Variants in PSMD13 observed in about 807,000 individuals in gnomAD.
PSMD13 encodes proteasome 26S subunit, non-ATPase 13.
Under a neutral mutation model 57.4 loss-of-function variants are expected in PSMD13, and 8 were observed. The observed-to-expected ratio is 0.14, with a 90% CI of 0.08 to 0.25. PSMD13 has a LOEUF of 0.25. Ranked by LOEUF, PSMD13 falls within the 10% of genes least tolerant of loss-of-function variation. The pLI is 1.00. For missense variants in PSMD13, 400 were observed against 461.5 expected (o/e 0.87, Z 1.22); for synonymous variants, 193 against 168.2 (o/e 1.15, Z -1.14).
chr11:246,961 T>C (rs1414210555), intron 6 of PSMD13, among the ~76,000 whole-genome samples: 2 of 152,248 alleles, frequency 1.3e-5, no homozygotes, highest in African/African-American at 4.8e-5. Flanking sequence ...TTGTAAATAT[T>C]GTTTCCCAGT....
Position 236,992 on chromosome 11 carries a change from C to A in PSMD13, c.-58C>A. 7.0e-7 allele frequency: 1 copy of A among 1,433,342 alleles called. No individual in the cohort carries two copies. The highest frequency in any genetic ancestry group is 1.8e-5 in the Admixed American group (1 of 56,694). 88.8% of individuals were successfully genotyped at this position (1,433,342 alleles called of 1,614,324 possible). On this transcript the variant is annotated 5_prime_UTR_variant, in exon 1 of 13. Transcript: ENST00000532097. ...GAAGTGAGTGAGCATTTCCGGCAGC[C>A]ATCCCCGCGGTGCTGACATCCCGGT...
intron 9 of PSMD13, among the ~76,000 whole-genome samples, chr11:249,386 G>A (rs1859724434): frequency 6.6e-6 from 1 of 152,078 alleles, no homozygotes; most frequent in Non-Finnish European, 1.5e-5. Flanking sequence ...GAGTGAAGAG[G>A]TACGGGAAGA....
chr11:243,632 G>T, intron 2 of PSMD13: 1 of 374,060 alleles, frequency 2.7e-6, no homozygotes, highest in Non-Finnish European at 5.1e-6. Flanking sequence ...CCACACGGCA[G>T]CGCAGGCCAT....
At position 251,418 on chromosome 11, in the gene PSMD13, A is replaced by C. The variant is rs1859762117; in HGVS notation, c.838-128A>C. 6.3e-6 allele frequency: 5 copies of C among 791,022 alleles called. No homozygotes were observed. The East Asian group carries it at 1.3e-4, about 21-fold the overall frequency. 49.0% of individuals were successfully genotyped at this position (791,022 alleles called of 1,614,324 possible). On this transcript the variant is annotated intron_variant, in intron 10 of 12. Transcript: ENST00000532097. This position sits in a 1 kb window ranked among gnomAD's most constrained non-coding sequence, Gnocchi z 4.6. ...AACAAGATATATGTCTAATATTAGG[A>C]AACTTTTTAGTATGTGGGGTACTAA... is the stretch of plus-strand genomic sequence containing the variant.
chr11:237,487 CTT>C (rs1261383058), intron 1 of PSMD13, among the ~76,000 whole-genome samples: 1 of 152,194 alleles, frequency 6.6e-6, no homozygotes, highest in Non-Finnish European at 1.5e-5. Context: ...GATTTTAGCT[CTT>C]GATTCCATCT....
At chr11:247,183 G>C in intron 6 of PSMD13, 94 bp from the exon 7 acceptor site, 1 of 1,321,484 alleles carries the variant, frequency 7.6e-7, no homozygotes, top group Non-Finnish European at 1.0e-6. Flanking sequence ...AGGAGTTCAA[G>C]ACCACCCTAG....
At chr11:241,605 TA>T (rs1251134361) in intron 2 of PSMD13, among the ~76,000 whole-genome samples, 1 of 152,194 alleles carries the variant, frequency 6.6e-6, no homozygotes, top group Non-Finnish European at 1.5e-5. Context: ...GTGCCCACAC[TA>T]GGCGCTCTTG....
At chr11:238,012 C>A (rs1400523514) in intron 1 of PSMD13, among the ~76,000 whole-genome samples, 2 of 152,196 alleles carry the variant, frequency 1.3e-5, no homozygotes, top group Admixed American at 6.5e-5. Flanking sequence ...TTTTTGAGAG[C>A]AAATTAATGT....
At position 251,466 on chromosome 11, in the gene PSMD13, A is replaced by T. The variant is rs750396962; in HGVS notation, c.838-80A>T. On this transcript the variant is annotated intron_variant, in intron 10 of 12. Transcript: ENST00000532097. This position sits in a 1 kb window ranked among gnomAD's most constrained non-coding sequence, Gnocchi z 4.6. The stretch of plus-strand genomic sequence containing the variant: ...TAATAAGATCTCTATTTTCAGAGCC[A>T]ATATTGACAAAACATCCTTATCAGT... The T allele has an allele frequency of 2.5e-4, 312 of 1,252,164 alleles. 1 individual carries two copies. The highest frequency in any genetic ancestry group is 2.0e-3 in the Middle Eastern group (9 of 4,592). 77.6% of individuals were successfully genotyped at this position (1,252,164 alleles called of 1,614,324 possible).
At chr11:240,525 G>A (rs991201863) in intron 2 of PSMD13, among the ~76,000 whole-genome samples, 9 of 152,134 alleles carry the variant, frequency 5.9e-5, no homozygotes, top group African/African-American at 2.2e-4. Context: ...TTCTACACAT[G>A]ACAAAATATT....
Position 237,065 on chromosome 11 carries a change from G to A in PSMD13, c.16G>A (p.Gly6Ser), listed in dbSNP as rs764709990. ...TCCTGCTGTCATGAAGGACGTACCG[G>A]GCTTCCTACAGCAGAGCCAGAACTC... MKDVP[G>S]FLQQSQNSGP... Residue 6 changes from glycine to serine, a missense_variant, in exon 1 of 13, where the codon GGC becomes AGC. Transcript: ENST00000532097. 3.7e-6 allele frequency: 6 copies of A among 1,613,792 alleles called. No homozygotes were observed. Among genetic ancestry groups the A allele is most frequent in the Non-Finnish European group, 1.7e-6 (2 of 1,179,840 alleles).
At chr11:248,703 T>A in intron 7 of PSMD13, 73 bp from the exon 8 acceptor site, 1 of 1,404,308 alleles carries the variant, frequency 7.1e-7, no homozygotes, top group South Asian at 1.2e-5. Flanking sequence ...CTTTTTGTTA[T>A]ATGAGATTTT....
At chr11:247,540 A>G in intron 7 of PSMD13, 92 bp downstream of exon 7, 2 of 1,442,680 alleles carry the variant, frequency 1.4e-6, no homozygotes, top group East Asian at 4.7e-5. Flanking sequence ...CTCAGAAATT[A>G]CTAAGGTGGG....
intron 6 of PSMD13, 69 bp from the exon 7 acceptor site, chr11:247,208 C>T (rs1590251669): frequency 6.8e-7 from 1 of 1,474,028 alleles, no homozygotes; most frequent in Non-Finnish European, 9.1e-7. Flanking sequence ...CAGAGTGAGA[C>T]CCTGTCTCTA....
rs1859582351 is a variant in PSMD13 at position 244,161 on chromosome 11, G to A, written c.210G>A (p.Arg70=). The change falls in exon 4 of 13, where the codon AGG becomes AGA. Residue 70 remains arginine (R), a splice_region_variant and synonymous_variant. Transcript: ENST00000532097. ...CAAAGGCTGGTGGCTTTTATTTCAGGGTGAACCCTTTGTCCCTCGTGGAAA... is the reference window on the plus strand; with the variant it reads ...CAAAGGCTGGTGGCTTTTATTTCAGAGTGAACCCTTTGTCCCTCGTGGAAA... ...YENFISEFEH[R]VNPLSLVEII... The A allele has an allele frequency of 6.2e-7, 1 of 1,608,886 alleles. No homozygotes were observed. Among genetic ancestry groups the A allele is most frequent in the African/African-American group, 1.3e-5 (1 of 74,724 alleles).
In PSMD13 at chr11:249,069, A is replaced by G. The variant is rs1333391382; in HGVS notation, c.774+12A>G. The G allele has an allele frequency of 2.5e-6, 4 of 1,610,044 alleles. No individual in the cohort carries two copies. The highest frequency in any genetic ancestry group is 2.7e-5 in the African/African-American group (2 of 74,882). On this transcript the variant is annotated intron_variant, in intron 9 of 12. Coordinates refer to ENST00000532097, the MANE Select transcript of PSMD13 (RefSeq NM_002817.4). ...CCTGGGGCCAGCAGGTAGGACTCCC[A>G]CGATGCCCAGCCCTTATTCCCCCAT... is the stretch of plus-strand genomic sequence containing the variant.
chr11:238,949 CTG>C lies in PSMD13; in HGVS notation c.96-46_96-45del, dbSNP rs758985212. On this transcript the variant is annotated intron_variant, in intron 1 of 12. Transcript: ENST00000532097. The stretch of plus-strand genomic sequence containing the variant: ...ATAGAATCATCAAGGCTGGAGGTGT[CTG>C]TGACTGGATATTAGGTTAGAGGTCT... 15 of 1,518,244 alleles carry C rather than the reference CTG, an allele frequency of 9.9e-6. No individual in the cohort carries two copies. In the African/African-American group the frequency reaches 1.2e-4, roughly 13 times the overall value. 94.0% of individuals were successfully genotyped at this position (1,518,244 alleles called of 1,614,324 possible).
intron 7 of PSMD13, 65 bp from the exon 8 acceptor site, chr11:248,711 T>C: frequency 6.7e-7 from 1 of 1,491,920 alleles, no homozygotes; most frequent in Non-Finnish European, 9.3e-7. Flanking sequence ...TATATGAGAT[T>C]TTTAAAGCTA....
Position 252,498 on chromosome 11 carries a change from A to G in PSMD13, c.1036-7A>G, listed in dbSNP as rs1437388910. ...TAACGTCCCTTGTGTCCGGATTTCC[A>G]TTTCAGATCAAGGGAATGAAGGACC... On this transcript the variant is annotated splice_polypyrimidine_tract_variant and splice_region_variant and intron_variant, in intron 12 of 12. Coordinates refer to ENST00000532097, the MANE Select transcript of PSMD13 (RefSeq NM_002817.4). This position sits in a 1 kb window ranked among gnomAD's most constrained non-coding sequence, Gnocchi z 4.1. The G allele has an allele frequency of 3.7e-6, 6 of 1,613,698 alleles. No individual in the cohort carries two copies. The highest frequency in any genetic ancestry group is 4.2e-6 in the Non-Finnish European group (5 of 1,179,854).
Sources: gnomAD v4.1 joint callset for allele counts (sites outside exome capture counted in the v4.1 genomes callset) on GRCh38, gnomAD v4.1.1 for gene constraint, Gnocchi (gnomAD v3.1) non-coding constraint, MANE v1.5 for transcripts, NCBI Gene and HGNC (gene_info 2026-07-23, HGNC 2026-07-21) for gene names.